Variants in ETFA observed in about 807,000 individuals in gnomAD.
The protein encoded by ETFA is electron transfer flavoprotein subunit alpha, also known as electron transfer flavoprotein subunit alpha, mitochondrial.
Under a neutral mutation model 46.2 loss-of-function variants are expected in ETFA, and 22 were observed. The observed-to-expected ratio is 0.48, with a 90% CI of 0.34 to 0.68. The LOEUF (loss-of-function observed/expected upper bound fraction) is 0.68, where lower values mean the gene tolerates loss of function less well. ETFA is among the 30% of genes least tolerant of loss of function. The probability of loss-of-function intolerance (pLI) is 0.01; values close to 1 mark genes in which losing one functional copy is unlikely to be tolerated. For synonymous variants in ETFA, 131 were observed against 139.9 expected (o/e 0.94, Z 0.45); for missense variants, 345 against 401.1 (o/e 0.86, Z 1.19).
chr15:76,287,819 GATTA>G, intron 5 of ETFA, 23 bp downstream of exon 5: 2 of 1,404,900 alleles, frequency 1.4e-6, no homozygotes. Flanking sequence ...TTAACATGTT[GATTA>G]ATTATCTTCC....
intron 4 of ETFA, among the ~76,000 whole-genome samples, chr15:76,289,706 AGT>A (rs1441864105): frequency 6.6e-6 from 1 of 152,248 alleles, no homozygotes; most frequent in African/African-American, 2.4e-5. Flanking sequence ...CAAGTATAAA[AGT>A]GTGTTATCTC....
At chr15:76,243,122 A>G (rs1314258418) in intron 9 of ETFA, among the ~76,000 whole-genome samples, 1 of 152,116 alleles carries the variant, frequency 6.6e-6, no homozygotes, top group Non-Finnish European at 1.5e-5. Context: ...ATGGTGAAAC[A>G]CTGTTTCTAT....
At chr15:76,247,396 A>T (rs1275908645) in intron 9 of ETFA, among the ~76,000 whole-genome samples, 1 of 152,150 alleles carries the variant, frequency 6.6e-6, no homozygotes, top group Non-Finnish European at 1.5e-5. Flanking sequence ...TTCATCTAAG[A>T]CTGCAGACAA....
At chr15:76,286,768 A>T (rs1398523273) in intron 5 of ETFA, among the ~76,000 whole-genome samples, 1 of 152,254 alleles carries the variant, frequency 6.6e-6, no homozygotes, top group African/African-American at 2.4e-5. Context: ...CACCTCTAAA[A>T]GGAATATGAA....
intron 9 of ETFA, among the ~76,000 whole-genome samples, chr15:76,253,482 T>C (rs1451965523): frequency 6.6e-6 from 1 of 152,160 alleles, no homozygotes. Context: ...TTTCCATAGC[T>C]ATTCAAAGTG....
chr15:76,284,985 A>ATT, intron 7 of ETFA: 2 of 316,890 alleles, frequency 6.3e-6, no homozygotes, highest in East Asian at 1.4e-4. Context: ...CAAAATATTA[A>ATT]TTTTTTTTTC....
chr15:76,267,821 G>A (rs1353264447), intron 9 of ETFA, among the ~76,000 whole-genome samples: 1 of 152,188 alleles, frequency 6.6e-6, no homozygotes, highest in East Asian at 1.9e-4. Flanking sequence ...GATATATGAT[G>A]GAGGGATGCA....
At chr15:76,264,308 C>T (rs1168820452) in intron 9 of ETFA, among the ~76,000 whole-genome samples, 3 of 152,344 alleles carry the variant, frequency 2.0e-5, no homozygotes, top group Middle Eastern at 3.4e-3. Context: ...GAAGCTCAAA[C>T]TCAGGCAAGG....
intron 1 of ETFA, among the ~76,000 whole-genome samples, chr15:76,309,474 A>AC (rs1167375739): frequency 3.3e-5 from 5 of 152,232 alleles, no homozygotes; most frequent in Non-Finnish European, 7.3e-5. Context: ...AAACAAACAA[A>AC]AAAAACAGCT....
At chr15:76,265,556 C>G (rs77539682) in intron 9 of ETFA, among the ~76,000 whole-genome samples, 1 of 152,124 alleles carries the variant, frequency 6.6e-6, no homozygotes, top group South Asian at 2.1e-4. Flanking sequence ...TCAATGGCCT[C>G]GACACTTGCC....
intron 9 of ETFA, among the ~76,000 whole-genome samples, chr15:76,250,030 A>G (rs2141481584): frequency 6.6e-6 from 1 of 152,336 alleles, no homozygotes; most frequent in East Asian, 1.9e-4. Context: ...ACAAGTAAAC[A>G]TTATTAATAA....
intron 7 of ETFA, chr15:76,284,682 G>GA: frequency 6.0e-6 from 1 of 165,976 alleles, no homozygotes; most frequent in Non-Finnish European, 1.3e-5. Context: ...AATAGAGACG[G>GA]GGTTTCACTA....
At chr15:76,276,561 A>G (rs1346967774) in intron 8 of ETFA, among the ~76,000 whole-genome samples, 1 of 151,932 alleles carries the variant, frequency 6.6e-6, no homozygotes, top group African/African-American at 2.4e-5. Flanking sequence ...TTCCCATTAC[A>G]TGTTATACTC....
chr15:76,252,820 A>G (rs2039311608), intron 9 of ETFA, among the ~76,000 whole-genome samples: 1 of 151,746 alleles, frequency 6.6e-6, no homozygotes, highest in Non-Finnish European at 1.5e-5. Context: ...TGAGGTCTTT[A>G]GGGGTAAAGG....
chr15:76,278,770 G>T (rs7177769), intron 8 of ETFA, among the ~76,000 whole-genome samples: 1 of 152,236 alleles, frequency 6.6e-6, no homozygotes, highest in Non-Finnish European at 1.5e-5. Flanking sequence ...GATCAAAAGA[G>T]AATTTCCACA....
chr15:76,220,856 G>A (rs939687448), intron 11 of ETFA, among the ~76,000 whole-genome samples: 1 of 152,096 alleles, frequency 6.6e-6, no homozygotes, highest in African/African-American at 2.4e-5. Flanking sequence ...AGAAAAACTG[G>A]AGCCCTCACA....
chr15:76,274,291 G>A, intron 9 of ETFA, 121 bp downstream of exon 9: 1 of 781,400 alleles, frequency 1.3e-6, no homozygotes, highest in East Asian at 2.7e-5. Context: ...TATTCACCAT[G>A]GTACTGGCTA....
intron 11 of ETFA, among the ~76,000 whole-genome samples, chr15:76,222,612 T>C (rs188160200): frequency 8.5e-5 from 13 of 152,230 alleles, no homozygotes; most frequent in African/African-American, 2.4e-4. Flanking sequence ...CACCCAGCTG[T>C]AGTACCTGCT....
intron 9 of ETFA, among the ~76,000 whole-genome samples, chr15:76,269,607 T>C (rs2039508293): frequency 6.6e-6 from 1 of 152,222 alleles, no homozygotes; most frequent in Admixed American, 6.5e-5. Context: ...TCTTAACCTG[T>C]CTTTTCTCAT....
Sources: allele counts gnomAD v4.1 joint callset (sites outside exome capture counted in the v4.1 genomes callset), GRCh38; gene constraint gnomAD v4.1.1; transcripts MANE v1.5; gene names NCBI Gene and HGNC (gene_info 2026-07-23, HGNC 2026-07-21).